The following NFX1 variants were observed in gnomAD, a reference collection of about 807,000 sequenced individuals.
NFX1 encodes nuclear transcription factor, X-box binding 1, also known as transcriptional repressor NF-X1.
A neutral mutation model predicts 137.2 loss-of-function variants in NFX1; 69 were observed. The ratio of observed to expected loss-of-function variants is 0.50; its 90% CI spans 0.41 to 0.61. The LOEUF is 0.61. NFX1 is among the 20% of genes least tolerant of loss of function. NFX1 has a pLI of 0.00. For missense variants in NFX1, 1,167 were observed against 1,391.0 expected, an observed-to-expected ratio of 0.84 and a Z score of 2.56; for synonymous variants, 495 against 474.1, an observed-to-expected ratio of 1.04 and a Z score of -0.57.
chr9:33,338,427 G>C (rs573316234), intron 11 of NFX1, 83 bp from the exon 12 acceptor site: 12 of 1,163,058 alleles, frequency 1.0e-5, no homozygotes, highest in Non-Finnish European at 1.5e-5. Context: ...TATTCTTTGA[G>C]CCTATAGTTA....
chr9:33,341,872 T>G (rs1221933029), intron 12 of NFX1, among the ~76,000 whole-genome samples: 1 of 150,780 alleles, frequency 6.6e-6, no homozygotes, highest in Non-Finnish European at 1.5e-5. Flanking sequence ...ATCCCAGCAC[T>G]TTGGGAGGCA....
intron 19 of NFX1, among the ~76,000 whole-genome samples, chr9:33,358,007 T>C (rs920756936): frequency 3.9e-5 from 6 of 152,224 alleles, no homozygotes; most frequent in African/African-American, 1.4e-4. Context: ...ATTTCATGTC[T>C]TCTTTGATTT....
chr9:33,311,948 A>T (rs1821977786), intron 6 of NFX1, among the ~76,000 whole-genome samples: 2 of 152,156 alleles, frequency 1.3e-5, no homozygotes, highest in South Asian at 4.1e-4. Context: ...TGCCTAGCAC[A>T]GTATCTGGCA....
intron 14 of NFX1, among the ~76,000 whole-genome samples, chr9:33,344,936 C>T (rs1431535139): frequency 2.0e-5 from 3 of 151,784 alleles, no homozygotes; most frequent in Admixed American, 6.6e-5. Flanking sequence ...CTGAGATGGG[C>T]GGGTCACTTG....
chr9:33,306,520 A>G (rs1331933649), intron 4 of NFX1, among the ~76,000 whole-genome samples: 2 of 152,312 alleles, frequency 1.3e-5, no homozygotes, highest in East Asian at 3.9e-4. Context: ...AAGAGATAGT[A>G]TAGAGAGAAA....
chr9:33,306,864 C>T (rs933939259), intron 4 of NFX1, among the ~76,000 whole-genome samples: 1 of 152,102 alleles, frequency 6.6e-6, no homozygotes, highest in Non-Finnish European at 1.5e-5. Flanking sequence ...CATATCAGTT[C>T]AGAAGTCCAG....
chr9:33,364,859 C>A, intron 21 of NFX1, 85 bp downstream of exon 21: 1 of 1,566,338 alleles, frequency 6.4e-7, no homozygotes, highest in South Asian at 1.2e-5. Flanking sequence ...GAAACACTTT[C>A]AACCTAGAGT....
At chr9:33,317,606 G>A (rs1439626387) in intron 7 of NFX1, among the ~76,000 whole-genome samples, 6 of 151,516 alleles carry the variant, frequency 4.0e-5, no homozygotes, top group Non-Finnish European at 8.8e-5. Context: ...CGAGGCCGCA[G>A]TAAGCTGTGT....
intron 11 of NFX1, among the ~76,000 whole-genome samples, chr9:33,335,005 A>G (rs1822945357): frequency 6.6e-6 from 1 of 152,136 alleles, no homozygotes; most frequent in Non-Finnish European, 1.5e-5. Flanking sequence ...CTCCTTCCCT[A>G]CATTTTATTT....
chr9:33,366,530 CTCT>C (rs1416315631), intron 21 of NFX1, 96 bp from the exon 22 acceptor site: 275 of 1,435,638 alleles, frequency 1.9e-4, no homozygotes, highest in Non-Finnish European at 2.5e-4. Context: ...CTAAAATCAC[CTCT>C]TATTGATCCC....
rs571824103 is a variant in NFX1, at chr9:33,345,100, T to G, written c.2344+912T>G. On this transcript the variant is annotated intron_variant, in intron 14 of 23. Coordinates refer to ENST00000379540, the MANE Select transcript of NFX1 (RefSeq NM_002504.6). Reference sequence around the variant, plus strand: ...TTGTTTGAATCCGGGAGGCAGAGGTTGCAGTGAGCCAAGATTGTGCCACTG... The same window carrying G: ...TTGTTTGAATCCGGGAGGCAGAGGTGGCAGTGAGCCAAGATTGTGCCACTG... 2.0e-5 allele frequency among the ~76,000 whole-genome samples: 3 copies of G among 151,898 alleles called. No individual in the cohort carries two copies. The East Asian group carries it at 5.8e-4, about 29-fold the overall frequency.
intron 6 of NFX1, among the ~76,000 whole-genome samples, chr9:33,312,639 G>A (rs576380208): frequency 6.6e-6 from 1 of 152,372 alleles, no homozygotes; most frequent in East Asian, 1.9e-4. Flanking sequence ...GGGAGGCCGA[G>A]GTGGGTGGAT....
At chr9:33,307,141 T>A in intron 4 of NFX1, 53 bp from the exon 5 acceptor site, 1 of 1,441,452 alleles carries the variant, frequency 6.9e-7, no homozygotes, top group Non-Finnish European at 9.7e-7. Flanking sequence ...TCATTAAAGT[T>A]GAGAATGTGG....
chr9:33,352,674 GAA>G lies in NFX1; in HGVS notation c.2687_2688del (p.Lys896ArgfsTer7), dbSNP rs1261092217. ...GAGCTACAGTGTGAATGTGGACGAAGAAAAGAGATGGTGATTTGCTCTGAAGC... is the reference window on the plus strand; with the variant it reads ...GAGCTACAGTGTGAATGTGGACGAAGAAGAGATGGTGATTTGCTCTGAAGC... On this transcript the variant is annotated frameshift_variant, in exon 17 of 24. Coordinates refer to ENST00000379540, the MANE Select transcript of NFX1 (RefSeq NM_002504.6). LOFTEE classifies it high-confidence loss of function. The G allele has an allele frequency of 6.2e-7, 1 of 1,614,204 alleles. No individual in the cohort carries two copies. Among genetic ancestry groups the G allele is most frequent in the Non-Finnish European group, 8.5e-7 (1 of 1,180,010 alleles).
At chr9:33,303,408 TG>T in intron 4 of NFX1, 140 bp downstream of exon 4, 1 of 700,120 alleles carries the variant, frequency 1.4e-6, no homozygotes, top group Non-Finnish European at 2.4e-6. Flanking sequence ...TGTAATTATG[TG>T]GTCCATCACA....
At position 33,310,991 on chromosome 9, in the gene NFX1, A is replaced by G; in HGVS notation, c.1377-115A>G. On this transcript the variant is annotated intron_variant, in intron 5 of 23. Transcript: ENST00000379540. ...TAATCAACTTTAAACAAATACAAAGACATGTCATAGTAGATGTATTTGTTG... is the reference window on the plus strand; with the variant it reads ...TAATCAACTTTAAACAAATACAAAGGCATGTCATAGTAGATGTATTTGTTG... 6.0e-6 allele frequency: 5 copies of G among 837,146 alleles called. 1 individual carries two copies. Among genetic ancestry groups the G allele is most frequent in the East Asian group, 5.0e-5 (2 of 39,970 alleles). 51.9% of individuals were successfully genotyped at this position (837,146 alleles called of 1,614,324 possible).
chr9:33,347,476 A>G (rs78828456), intron 15 of NFX1, among the ~76,000 whole-genome samples: 1 of 151,790 alleles, frequency 6.6e-6, no homozygotes, highest in Non-Finnish European at 1.5e-5. Flanking sequence ...AAAATACCAA[A>G]TTTTTTTTTA....
At chr9:33,314,045 G>GT (rs1822062836) in intron 7 of NFX1, among the ~76,000 whole-genome samples, 1 of 151,856 alleles carries the variant, frequency 6.6e-6, no homozygotes, top group African/African-American at 2.4e-5. Flanking sequence ...GTGCAGTGGC[G>GT]TGATCCTAGC....
intron 1 of NFX1, among the ~76,000 whole-genome samples, chr9:33,293,201 A>G (rs557947024): frequency 1.3e-5 from 2 of 152,340 alleles, no homozygotes; most frequent in African/African-American, 4.8e-5. Flanking sequence ...GCCTTGGGCA[A>G]GTTCCTACTC....
Sources: allele counts gnomAD v4.1 joint callset (sites outside exome capture counted in the v4.1 genomes callset), GRCh38; gene constraint gnomAD v4.1.1; transcripts MANE v1.5; gene names NCBI Gene and HGNC (gene_info 2026-07-23, HGNC 2026-07-21).